ERC2: variants seen among roughly 807,000 people sequenced by gnomAD.
The protein encoded by ERC2 is ERC protein 2.
In ERC2, 42 loss-of-function variants were observed where a neutral mutation model predicts 114.8. The ratio of observed to expected loss-of-function variants is 0.37; its 90% CI spans 0.29 to 0.47. ERC2 has a LOEUF of 0.47. ERC2 is among the 20% of genes least tolerant of loss of function. The pLI, the probability that ERC2 is intolerant of heterozygous loss-of-function variation, is 0.99. For synonymous variants in ERC2, 454 were observed against 425.5 expected, an observed-to-expected ratio of 1.07 and a Z score of -0.82; for missense variants, 939 against 1,150.7, an observed-to-expected ratio of 0.82 and a Z score of 2.66.
intron 7 of ERC2, among the ~76,000 whole-genome samples, chr3:56,019,401 T>C (rs929890036): frequency 3.3e-5 from 5 of 152,206 alleles, no homozygotes; most frequent in African/African-American, 4.8e-5. Flanking sequence ...GATTAATTCA[T>C]TGATTAAACA....
intron 2 of ERC2, among the ~76,000 whole-genome samples, chr3:56,412,509 G>A (rs1239719673): frequency 6.6e-6 from 1 of 152,226 alleles, no homozygotes; most frequent in East Asian, 1.9e-4. Context: ...CAAGGGGTTT[G>A]TGGCAGAGCC....
chr3:55,707,486 C>CCCTGAAGGGTTATGGACAGTGACTGTAG (rs2063551700), intron 15 of ERC2, among the ~76,000 whole-genome samples: 4 of 152,134 alleles, frequency 2.6e-5, no homozygotes, highest in African/African-American at 9.7e-5. Context: ...CTGGGGAATC[C>CCCTGAAGGGTTATGGACAGTGACTGTAG]CCTGAAGGGT....
At chr3:56,033,040 GAAA>G (rs2074558045) in intron 7 of ERC2, among the ~76,000 whole-genome samples, 1 of 84,538 alleles carries the variant, frequency 1.2e-5, no homozygotes, top group Admixed American at 1.2e-4. Flanking sequence ...CAGAAAGAAA[GAAA>G]GAAAGAAAGA....
intron 12 of ERC2, among the ~76,000 whole-genome samples, chr3:55,970,684 TAAG>T (rs750500346): frequency 6.6e-6 from 1 of 151,822 alleles, no homozygotes; most frequent in Non-Finnish European, 1.5e-5. Flanking sequence ...AAAAGAAAAA[TAAG>T]AAGAAGTGTT....
chr3:56,191,536 G>A (rs1383827497), intron 3 of ERC2, among the ~76,000 whole-genome samples: 3 of 152,182 alleles, frequency 2.0e-5, no homozygotes, highest in Non-Finnish European at 4.4e-5. Flanking sequence ...CAGAGGAGGG[G>A]AGTAAGGTCC....
chr3:55,709,620 G>A (rs767775334), intron 15 of ERC2, among the ~76,000 whole-genome samples: 28 of 152,286 alleles, frequency 1.8e-4, no homozygotes, highest in East Asian at 1.4e-3. Context: ...TTTGACCTTC[G>A]CGCAGAAGTG....
At chr3:55,841,132 A>G (rs1206193342) in intron 14 of ERC2, among the ~76,000 whole-genome samples, 1 of 152,236 alleles carries the variant, frequency 6.6e-6, no homozygotes, top group Non-Finnish European at 1.5e-5. Context: ...ACCTAAATAA[A>G]TTTGTTAAAA....
At chr3:55,917,954 T>G (rs550676882) in intron 13 of ERC2, among the ~76,000 whole-genome samples, 35 of 152,158 alleles carry the variant, frequency 2.3e-4, no homozygotes, top group Admixed American at 2.1e-3. Context: ...AAATGCTAGC[T>G]GCTCTAACAG....
chr3:55,940,339 C>T (rs914305839), intron 13 of ERC2, among the ~76,000 whole-genome samples: 1 of 152,052 alleles, frequency 6.6e-6, no homozygotes, highest in Non-Finnish European at 1.5e-5. Context: ...TAGACTAAAA[C>T]CCAGATCCCC....
intron 7 of ERC2, among the ~76,000 whole-genome samples, chr3:56,025,198 A>G (rs1414972872): frequency 6.6e-6 from 1 of 152,236 alleles, no homozygotes; most frequent in Non-Finnish European, 1.5e-5. Flanking sequence ...TTGAGTGGAA[A>G]AGGCAAGGCT....
rs149536743 is a variant in ERC2 at position 56,462,504 on chromosome 3, A to C, written c.-141+5744T>G. Among the ~76,000 whole-genome samples, 46 of 152,274 alleles carry C rather than the reference A, an allele frequency of 3.0e-4. No homozygotes were observed. The East Asian group carries it at 7.7e-3, about 26-fold the overall frequency. On this transcript the variant is annotated intron_variant, in intron 1 of 17. Coordinates refer to ENST00000288221, the MANE Select transcript of ERC2 (RefSeq NM_015576.3). ...TATACTCACTAGCCCATGAAATCAA[A>C]CTCAAATATTTCAACCAGGAATCCA...
intron 15 of ERC2, among the ~76,000 whole-genome samples, chr3:55,706,252 C>A (rs1023396756): frequency 1.3e-5 from 2 of 152,104 alleles, no homozygotes; most frequent in African/African-American, 2.4e-5. Flanking sequence ...ATTGATGCAC[C>A]CTTTGTTGGC....
chr3:56,082,354 C>A (rs1178653721), intron 6 of ERC2, among the ~76,000 whole-genome samples: 2 of 152,122 alleles, frequency 1.3e-5, no homozygotes, highest in Non-Finnish European at 2.9e-5. Flanking sequence ...ATATATGAAG[C>A]ATTGATTGAT....
intron 4 of ERC2, among the ~76,000 whole-genome samples, chr3:56,164,508 T>C (rs183468540): frequency 9.9e-4 from 151 of 152,210 alleles, no homozygotes; most frequent in Non-Finnish European, 1.7e-3. Context: ...TGATAGACAT[T>C]TGGGTTGTTT....
At chr3:55,611,450 A>G (rs1211065599) in intron 17 of ERC2, among the ~76,000 whole-genome samples, 1 of 152,130 alleles carries the variant, frequency 6.6e-6, no homozygotes, top group Non-Finnish European at 1.5e-5. Context: ...CAGTCAGGAG[A>G]AGCAGGCTGG....
chr3:56,118,323 T>C (rs1337931675), intron 6 of ERC2, among the ~76,000 whole-genome samples: 1 of 152,166 alleles, frequency 6.6e-6, no homozygotes, highest in South Asian at 2.1e-4. Flanking sequence ...TTCAAGGAGA[T>C]GACACGCAAA....
intron 15 of ERC2, among the ~76,000 whole-genome samples, chr3:55,713,808 C>T (rs2063924574): frequency 6.6e-6 from 1 of 152,164 alleles, no homozygotes; most frequent in African/African-American, 2.4e-5. Context: ...ATAAATCCAT[C>T]CATCCAGTCC....
In ERC2 at chr3:55,734,854, C is replaced by G; in HGVS notation, c.2629G>C (p.Ala877Pro). 1.9e-6 allele frequency: 3 copies of G among 1,612,190 alleles called. No individual in the cohort carries two copies. The highest frequency in any genetic ancestry group is 2.5e-6 in the Non-Finnish European group (3 of 1,179,070). Reference protein sequence around the residue: ...DANIALLELSASKKKKTQEEV... With the variant: ...DANIALLELSPSKKKKTQEEV... ...TCCTGCGTCTTTTTCTTTTTGGAGG[C>G]AGACAATTCCAGCAAGGCAATGTTT... The change falls in exon 15 of 18, where the codon GCC becomes CCC. Residue 877 changes from alanine to proline, a missense_variant. Ala to Pro is a conservative substitution (Grantham distance 27, BLOSUM62 -1). Around this residue, in one of 5 missense-constraint regions of ERC2, gnomAD observed 328 missense variants for 353.9 expected, o/e 0.93. Transcript: ENST00000288221.
At chr3:56,044,081 A>G (rs568677667) in intron 7 of ERC2, among the ~76,000 whole-genome samples, 1 of 152,330 alleles carries the variant, frequency 6.6e-6, no homozygotes, top group South Asian at 2.1e-4. Context: ...TTCTCAAAGT[A>G]AAATTACTTT....
Sources: gnomAD v4.1 joint callset for allele counts (sites outside exome capture counted in the v4.1 genomes callset) on GRCh38, gnomAD v4.1.1 for gene constraint, gnomAD v4.1.1 regional missense constraint, MANE v1.5 for transcripts, NCBI Gene and HGNC (gene_info 2026-07-23, HGNC 2026-07-21) for gene names.